Variants in OPCML observed in about 807,000 individuals in gnomAD.
OPCML encodes the protein opioid binding protein/cell adhesion molecule like.
A neutral mutation model predicts 37.8 loss-of-function variants in OPCML; 13 were observed. The ratio of observed to expected loss-of-function variants is 0.34; its 90% CI spans 0.22 to 0.55. The LOEUF is 0.55. OPCML is among the 20% of genes least tolerant of loss of function. The probability of loss-of-function intolerance (pLI) is 0.91; values close to 1 mark genes in which losing one functional copy is unlikely to be tolerated. For synonymous variants in OPCML, 176 were observed against 168.8 expected (o/e 1.04, Z -0.33); for missense variants, 341 against 435.6 (o/e 0.78, Z 1.93).
chr11:132,435,968 T>C lies in OPCML; in HGVS notation c.916+118A>G, dbSNP rs1318122325. ...GGGAGAAGTATGTCTTATCTACAGG[T>C]GGTGGGTTGAGTAGGATGGATGGAC... is the stretch of plus-strand genomic sequence containing the variant. On this transcript the variant is annotated intron_variant, in intron 7 of 7. Transcript: ENST00000524381. The C allele has an allele frequency of 1.2e-5, 11 of 906,522 alleles. No homozygotes were observed. In the East Asian group the frequency reaches 2.9e-4, roughly 24 times the overall value. The allele number at this position is 906,522 out of a possible 1,614,324, so 56.2% of individuals were successfully genotyped here.
At chr11:132,765,376 C>A (rs761364618) in intron 2 of OPCML, among the ~76,000 whole-genome samples, 60 of 152,194 alleles carry the variant, frequency 3.9e-4, no homozygotes, top group Non-Finnish European at 7.5e-4. Context: ...AGGAGAAGTT[C>A]TCCCAGGAAC....
chr11:133,342,634 G>C (rs893177101), intron 1 of OPCML, among the ~76,000 whole-genome samples: 4 of 152,192 alleles, frequency 2.6e-5, no homozygotes, highest in African/African-American at 9.7e-5. Flanking sequence ...CGTGTGAAGA[G>C]GGAGGGCGAA....
At chr11:132,848,853 G>C (rs749713425) in intron 2 of OPCML, among the ~76,000 whole-genome samples, 5 of 152,098 alleles carry the variant, frequency 3.3e-5, no homozygotes, top group Admixed American at 6.5e-5. Context: ...CTTTTTCACA[G>C]AGTAATTGTG....
At chr11:132,925,759 C>A (rs570397576) in intron 2 of OPCML, among the ~76,000 whole-genome samples, 1 of 152,182 alleles carries the variant, frequency 6.6e-6, no homozygotes, top group South Asian at 2.1e-4. Flanking sequence ...GACTTCAATT[C>A]TCTGACGGAT....
At chr11:132,970,088 C>T (rs1946306687) in intron 1 of OPCML, among the ~76,000 whole-genome samples, 1 of 152,278 alleles carries the variant, frequency 6.6e-6, no homozygotes, top group African/African-American at 2.4e-5. Context: ...TGTTTAGTGA[C>T]TCATCCATCT....
intron 4 of OPCML, among the ~76,000 whole-genome samples, chr11:132,450,719 A>C (rs2096066381): frequency 6.6e-6 from 1 of 152,228 alleles, no homozygotes; most frequent in Non-Finnish European, 1.5e-5. Context: ...GCAGTAAAGA[A>C]AGTAAGATGC....
chr11:133,344,349 G>A (rs550246516), intron 1 of OPCML, among the ~76,000 whole-genome samples: 142 of 152,312 alleles, frequency 9.3e-4, no homozygotes, highest in South Asian at 2.7e-3. Flanking sequence ...TACTGCTATA[G>A]TCCTGGCACG....
chr11:133,077,638 C>T (rs1456631287), intron 1 of OPCML, among the ~76,000 whole-genome samples: 1 of 151,946 alleles, frequency 6.6e-6, no homozygotes, highest in African/African-American at 2.4e-5. Flanking sequence ...ATGAAGGAAG[C>T]ACAAGAAATA....
At chr11:132,796,893 T>A (rs568525216) in intron 2 of OPCML, among the ~76,000 whole-genome samples, 1 of 152,312 alleles carries the variant, frequency 6.6e-6, no homozygotes, top group Admixed American at 6.5e-5. Flanking sequence ...TTCAGGTGTT[T>A]ATTAGTCATT....
chr11:132,990,298 C>T (rs1946752816), intron 1 of OPCML, among the ~76,000 whole-genome samples: 1 of 152,234 alleles, frequency 6.6e-6, no homozygotes, highest in Admixed American at 6.5e-5. Flanking sequence ...AGTGCCTGCA[C>T]TTACCATCGA....
At chr11:132,561,233 A>C (rs1348933133) in intron 3 of OPCML, among the ~76,000 whole-genome samples, 1 of 152,016 alleles carries the variant, frequency 6.6e-6, no homozygotes, top group Non-Finnish European at 1.5e-5. Context: ...TAAGTGAACT[A>C]CTCCAACTAC....
At chr11:132,468,643 A>AGTTTCAG (rs2096126656) in intron 4 of OPCML, among the ~76,000 whole-genome samples, 1 of 152,222 alleles carries the variant, frequency 6.6e-6, no homozygotes, top group Non-Finnish European at 1.5e-5. Flanking sequence ...TGATTGAGGT[A>AGTTTCAG]GTTTCAGGTT....
At chr11:132,875,464 ATT>A (rs564416726) in intron 2 of OPCML, among the ~76,000 whole-genome samples, 8 of 138,762 alleles carry the variant, frequency 5.8e-5, no homozygotes, top group Non-Finnish European at 7.8e-5. Context: ...TACCCATCTA[ATT>A]TTTTTTTTTT....
chr11:133,002,959 G>A (rs1344139095), intron 1 of OPCML, among the ~76,000 whole-genome samples: 1 of 151,966 alleles, frequency 6.6e-6, no homozygotes. Context: ...TCATATCAGT[G>A]GGGGGAAAAA....
chr11:132,561,528 T>C (rs1023759377), intron 3 of OPCML, among the ~76,000 whole-genome samples: 1 of 152,210 alleles, frequency 6.6e-6, no homozygotes, highest in Admixed American at 6.5e-5. Context: ...CAGGGCCTGG[T>C]CCAGGGCCTG....
chr11:132,777,169 T>C (rs574573388), intron 2 of OPCML, among the ~76,000 whole-genome samples: 2 of 152,264 alleles, frequency 1.3e-5, no homozygotes, highest in South Asian at 4.2e-4. Context: ...CATGCAAAGA[T>C]ACTCACCAGC....
chr11:133,145,591 C>T (rs1271809860), intron 1 of OPCML, among the ~76,000 whole-genome samples: 1 of 152,226 alleles, frequency 6.6e-6, no homozygotes, highest in Non-Finnish European at 1.5e-5. Flanking sequence ...TGAAGAGCCA[C>T]CCACAGCTTG....
At chr11:133,478,820 G>C (rs1434474081) in intron 1 of OPCML, among the ~76,000 whole-genome samples, 1 of 147,092 alleles carries the variant, frequency 6.8e-6, no homozygotes, top group African/African-American at 2.7e-5. Flanking sequence ...CTTGAGAACT[G>C]ATGCTGTAAC....
At chr11:133,137,402 TACA>T (rs1441632480) in intron 1 of OPCML, among the ~76,000 whole-genome samples, 2 of 152,262 alleles carry the variant, frequency 1.3e-5, no homozygotes, top group Admixed American at 1.3e-4. Context: ...ACAATGTGGA[TACA>T]ACACTTTTCT....
Sources: gnomAD v4.1 joint callset for allele counts (sites outside exome capture counted in the v4.1 genomes callset) on GRCh38, gnomAD v4.1.1 for gene constraint, MANE v1.5 for transcripts, NCBI Gene and HGNC (gene_info 2026-07-23, HGNC 2026-07-21) for gene names.